Variants in BTBD7 observed in about 807,000 individuals in gnomAD.
The protein encoded by BTBD7 is BTB domain containing 7.
BTBD7 carries 38 observed loss-of-function variants against 99.9 expected under a neutral mutation model. The ratio of observed to expected loss-of-function variants is 0.38; its 90% CI spans 0.29 to 0.50. The LOEUF (loss-of-function observed/expected upper bound fraction) is 0.50, where lower values mean the gene tolerates loss of function less well. Ranked by LOEUF, BTBD7 falls within the 20% of genes least tolerant of loss-of-function variation. The pLI is 0.93. For synonymous variants in BTBD7, 520 were observed against 511.4 expected (o/e 1.02, Z -0.23); for missense variants, 1,170 against 1,394.6 (o/e 0.84, Z 2.57).
Position 93,332,896 on chromosome 14 carries a change from G to C in BTBD7, c.-183C>G. On this transcript the variant is annotated 5_prime_UTR_variant, in exon 1 of 11. Transcript: ENST00000334746. ...CTCCGCCGCCGCCGCCACCAGCACC[G>C]CCGTCCGCACCGGCGCCAGCACCCC... 4 of 1,401,720 alleles carry C rather than the reference G, an allele frequency of 2.9e-6. No individual in the cohort carries two copies. The highest frequency in any genetic ancestry group is 2.8e-6 in the Non-Finnish European group (3 of 1,061,076). 86.8% of individuals were successfully genotyped at this position (1,401,720 alleles called of 1,614,324 possible).
intron 3 of BTBD7, among the ~76,000 whole-genome samples, chr14:93,284,319 T>C (rs10134655): frequency 2.3e-4 from 35 of 152,208 alleles, no homozygotes; most frequent in African/African-American, 8.2e-4. Flanking sequence ...TAGAGAGTTA[T>C]ACCATTTAGA....
chr14:93,291,121 C>T (rs1429386380), intron 3 of BTBD7, among the ~76,000 whole-genome samples: 2 of 151,200 alleles, frequency 1.3e-5, no homozygotes, highest in Non-Finnish European at 2.9e-5. Flanking sequence ...GTGTGAGCCA[C>T]CACACCTGGC....
chr14:93,240,778 G>C lies in BTBD7; in HGVS notation c.*1495C>G, dbSNP rs2139665568. ...GCTCACACATTGCCCTTCCAAGGGA[G>C]AGGATCCTGAAAGACCCCATGTGCT... On this transcript the variant is annotated 3_prime_UTR_variant, in exon 11 of 11. Coordinates refer to ENST00000334746, the MANE Select transcript of BTBD7 (RefSeq NM_001002860.4). The C allele has an allele frequency of 6.5e-6, 1 of 152,736 alleles. No homozygotes were observed. The highest frequency in any genetic ancestry group is 3.4e-3 in the Middle Eastern group (1 of 294). The allele number at this position is 152,736 out of a possible 1,614,324, so 9.5% of individuals were successfully genotyped here. A position where few individuals can be genotyped will look rare whatever the true frequency, so the allele number is the denominator to read the frequency against.
chr14:93,301,040 G>A (rs1391085768), intron 1 of BTBD7, among the ~76,000 whole-genome samples: 1 of 152,072 alleles, frequency 6.6e-6, no homozygotes, highest in Non-Finnish European at 1.5e-5. Context: ...TGGGGCAAAT[G>A]TGAATATAAA....
chr14:93,293,803 T>C (rs564878187), intron 3 of BTBD7, 55 bp downstream of exon 3: 2 of 1,533,740 alleles, frequency 1.3e-6, no homozygotes. Context: ...TGTTTTCAAT[T>C]TGGAAGATCA....
rs2053367988 is a variant in BTBD7 at position 93,329,072 on chromosome 14, C to T, written c.-107+3748G>A. Among the ~76,000 whole-genome samples the T allele has an allele frequency of 2.0e-5, 3 of 152,212 alleles. No homozygotes were observed. In the South Asian group the frequency reaches 6.2e-4, roughly 32 times the overall value. ...AAAACTGTGTGTACATCAAAGGACG[C>T]TATCAACAGGGTGAAAAGGCAGCCT... is the stretch of plus-strand genomic sequence containing the variant. On this transcript the variant is annotated intron_variant, in intron 1 of 10. Coordinates refer to ENST00000334746, the MANE Select transcript of BTBD7 (RefSeq NM_001002860.4).
intron 3 of BTBD7, among the ~76,000 whole-genome samples, chr14:93,274,316 A>G (rs532275533): frequency 6.6e-6 from 1 of 152,336 alleles, no homozygotes; most frequent in East Asian, 1.9e-4. Flanking sequence ...CTTTCACCAC[A>G]GCAGCCCAGT....
intron 1 of BTBD7, among the ~76,000 whole-genome samples, chr14:93,302,089 T>G (rs576812674): frequency 7.7e-4 from 118 of 152,286 alleles, no homozygotes; most frequent in African/African-American, 2.7e-3. Context: ...TGGTGGTCTG[T>G]CTGGCTGGCA....
At chr14:93,305,855 C>A (rs1285913556) in intron 1 of BTBD7, among the ~76,000 whole-genome samples, 1 of 152,128 alleles carries the variant, frequency 6.6e-6, no homozygotes, top group Non-Finnish European at 1.5e-5. Flanking sequence ...TCTTGCTGTG[C>A]CCTAACATGG....
intron 10 of BTBD7, among the ~76,000 whole-genome samples, chr14:93,245,282 G>A (rs1440867334): frequency 6.6e-6 from 1 of 152,216 alleles, no homozygotes; most frequent in Non-Finnish European, 1.5e-5. Flanking sequence ...GATTCTAAGT[G>A]AAGTGGGGGC....
intron 6 of BTBD7, among the ~76,000 whole-genome samples, chr14:93,255,140 C>T (rs1183368328): frequency 6.6e-6 from 1 of 152,090 alleles, no homozygotes; most frequent in African/African-American, 2.4e-5. Context: ...TTCCAGTCTT[C>T]TCTTTTTCCT....
At chr14:93,256,795 T>A (rs903312061) in intron 6 of BTBD7, 1 of 161,780 alleles carries the variant, frequency 6.2e-6, no homozygotes, top group Non-Finnish European at 1.3e-5. Flanking sequence ...AATTTTCAGG[T>A]CCATCCATTC....
At position 93,242,411 on chromosome 14, in the gene BTBD7, G is replaced by A. The variant is rs763885374; in HGVS notation, c.3261C>T (p.Ser1087=). The A allele has an allele frequency of 7.4e-6, 12 of 1,614,182 alleles. No individual in the cohort carries two copies. The highest frequency in any genetic ancestry group is 1.7e-4 in the Middle Eastern group (1 of 6,060). ...ACTCACTGTCTGCCAGTCTTCTACC[G>A]GATCTCTCTTCGGGAGCTTCAGAGC... The part of the protein sequence containing the change: ...ACSSEAPEER[S]GRRLADSESL... Residue 1087 remains serine (S), a synonymous_variant, in exon 11 of 11, where the codon TCC becomes TCT. Transcript: ENST00000334746.
At chr14:93,311,845 C>G (rs1035406815) in intron 1 of BTBD7, among the ~76,000 whole-genome samples, 1 of 150,278 alleles carries the variant, frequency 6.7e-6, no homozygotes, top group Non-Finnish European at 1.5e-5. Context: ...ATGGTTTACT[C>G]TGTGTGATTA....
intron 1 of BTBD7, among the ~76,000 whole-genome samples, chr14:93,316,257 T>C (rs2053205172): frequency 6.6e-6 from 1 of 151,388 alleles, no homozygotes; most frequent in South Asian, 2.1e-4. Flanking sequence ...GCCCAGTCTT[T>C]TTTTTTTTAA....
At chr14:93,309,965 G>T (rs1234486405) in intron 1 of BTBD7, among the ~76,000 whole-genome samples, 3 of 151,232 alleles carry the variant, frequency 2.0e-5, no homozygotes, top group Non-Finnish European at 4.4e-5. Flanking sequence ...ATTGGCAGGT[G>T]TTTTTTTTTC....
chr14:93,299,117 G>GTCC (rs2052963518), intron 1 of BTBD7, among the ~76,000 whole-genome samples: 1 of 152,202 alleles, frequency 6.6e-6, no homozygotes, highest in Non-Finnish European at 1.5e-5. Flanking sequence ...GGGAGGTGGG[G>GTCC]GAGGCAGATT....
At chr14:93,330,529 C>G (rs1166120822) in intron 1 of BTBD7, among the ~76,000 whole-genome samples, 3 of 152,218 alleles carry the variant, frequency 2.0e-5, no homozygotes, top group African/African-American at 7.2e-5. Context: ...ATTAGTAGAA[C>G]TCACTAGATT....
At chr14:93,291,343 A>C (rs904079105) in intron 3 of BTBD7, among the ~76,000 whole-genome samples, 1 of 152,108 alleles carries the variant, frequency 6.6e-6, no homozygotes, top group African/African-American at 2.4e-5. Context: ...ACAAATGAGA[A>C]AAGAGGGGCT....
Sources: gnomAD v4.1 joint callset for allele counts (sites outside exome capture counted in the v4.1 genomes callset) on GRCh38, gnomAD v4.1.1 for gene constraint, MANE v1.5 for transcripts, NCBI Gene and HGNC (gene_info 2026-07-23, HGNC 2026-07-21) for gene names.